The following CDC25C variants were observed in gnomAD, a reference collection of about 807,000 sequenced individuals.
CDC25C encodes the protein M-phase inducer phosphatase 3.
A neutral mutation model predicts 52.5 loss-of-function variants in CDC25C; 48 were observed. The ratio of observed to expected loss-of-function variants is 0.91; its 90% CI spans 0.72 to 1.16. The LOEUF (loss-of-function observed/expected upper bound fraction) is 1.16, where lower values mean the gene tolerates loss of function less well. Among genes scored for constraint, CDC25C ranks in the 50% most tolerant of loss-of-function variants. CDC25C has a pLI of 0.00. For synonymous variants in CDC25C, 187 were observed against 206.5 expected (o/e 0.91, Z 0.81); for missense variants, 510 against 566.1 (o/e 0.90, Z 1.01).
chr5:138,290,786 AG>A, intron 8 of CDC25C, 46 bp from the exon 9 acceptor site: 1 of 1,216,048 alleles, frequency 8.2e-7, no homozygotes, highest in Non-Finnish European at 1.2e-6. Context: ...CTCATGTTAA[AG>A]GTTTAAAAAC....
In CDC25C at chr5:138,331,123, T is replaced by C. The variant is rs1257437046; in HGVS notation, c.58A>G (p.Ser20Gly). ...ATTTTCCTTTGATTAGACCTAAAACTGGGTCCTGAGCCAGAGCTTCCTTCC... is the reference window on the plus strand; with the variant it reads ...ATTTTCCTTTGATTAGACCTAAAACCGGGTCCTGAGCCAGAGCTTCCTTCC... ...REEGSSGSGP[S>G]FRSNQRKMLN... The change falls in exon 2 of 14, where the codon AGT (serine) becomes GGT (glycine). Residue 20 changes from serine (S) to glycine (G), a missense_variant. Transcript: ENST00000323760. 6.2e-7 allele frequency: 1 copy of C among 1,613,948 alleles called. No homozygotes were observed.
intron 8 of CDC25C, 130 bp downstream of exon 8, chr5:138,291,840 A>C (rs1756745548): frequency 1.3e-5 from 7 of 538,560 alleles, no homozygotes; most frequent in Non-Finnish European, 1.5e-5. Context: ...AAAGATGGAA[A>C]GAACAAAGAG....
intron 3 of CDC25C, 142 bp from the exon 4 acceptor site, chr5:138,328,671 C>G: frequency 1.5e-6 from 1 of 670,826 alleles, no homozygotes; most frequent in Non-Finnish European, 2.7e-6. Context: ...CGATTGGTAC[C>G]CATTTCATGG....
chr5:138,293,946 C>G (rs1756968934), intron 7 of CDC25C, among the ~76,000 whole-genome samples: 1 of 151,810 alleles, frequency 6.6e-6, no homozygotes, highest in Admixed American at 6.6e-5. Context: ...CACGCCCAGT[C>G]TGTATCCATT....
intron 7 of CDC25C, among the ~76,000 whole-genome samples, chr5:138,305,477 C>A (rs536175232): frequency 6.6e-6 from 1 of 152,284 alleles, no homozygotes; most frequent in Admixed American, 6.5e-5. Flanking sequence ...TCATGGCTCA[C>A]TGTAGCCTTG....
At chr5:138,289,672 C>A in intron 9 of CDC25C, 109 bp from the exon 10 acceptor site, 1 of 796,006 alleles carries the variant, frequency 1.3e-6, no homozygotes, top group Non-Finnish European at 2.1e-6. Flanking sequence ...ACCCCAGAGG[C>A]CTTCAAAAAA....
intron 10 of CDC25C, among the ~76,000 whole-genome samples, chr5:138,289,026 A>G (rs1169533949): frequency 6.6e-6 from 1 of 152,006 alleles, no homozygotes; most frequent in East Asian, 1.9e-4. Flanking sequence ...GTACAGTGGC[A>G]CGATCTCTGC....
Position 138,286,052 on chromosome 5 carries a change from G to T in CDC25C, c.1242C>A (p.Gly414=), listed in dbSNP as rs199959516. Residue 414 remains glycine (G), a synonymous_variant, in exon 13 of 14, where the codon GGC becomes GGA. Coordinates refer to ENST00000323760, the MANE Select transcript of CDC25C (RefSeq NM_001790.5). ...LYYPELYILK[G]GYRDFFPEYM... ...ATTCTGGAAAGAAGTCTCTGTAGCC[G>T]CCTTTAAGGATATATAGCTCTGGGT... 9 of 1,613,500 alleles carry T rather than the reference G, an allele frequency of 5.6e-6. No homozygotes were observed. Among genetic ancestry groups the T allele is most frequent in the Non-Finnish European group, 6.8e-6 (8 of 1,179,462 alleles).
intron 7 of CDC25C, among the ~76,000 whole-genome samples, chr5:138,318,100 G>A (rs1174258906): frequency 6.6e-6 from 1 of 152,108 alleles, no homozygotes; most frequent in African/African-American, 2.4e-5. Flanking sequence ...AGGCCAAGGC[G>A]GGCAGATCAC....
chr5:138,326,191 C>A, intron 4 of CDC25C, 137 bp from the exon 5 acceptor site: 1 of 863,080 alleles, frequency 1.2e-6, no homozygotes, highest in Non-Finnish European at 2.0e-6. Context: ...CTTCCAACAA[C>A]AATACATAGG....
chr5:138,331,990 T>C (rs1233187541), upstream of CDC25C: 3 of 804,924 alleles, frequency 3.7e-6, no homozygotes, highest in Non-Finnish European at 4.5e-6. Flanking sequence ...CCCCGCCCCA[T>C]AGCCAGAGCA....
intron 1 of CDC25C, chr5:138,337,684 G>A (rs1561736593): frequency 6.0e-6 from 2 of 332,368 alleles, no homozygotes; most frequent in South Asian, 2.4e-5. Flanking sequence ...GGTTTTTAAG[G>A]TTCAGGCCGA....
At chr5:138,313,379 C>G (rs1282917207) in intron 7 of CDC25C, among the ~76,000 whole-genome samples, 2 of 37,058 alleles carry the variant, frequency 5.4e-5, no homozygotes, top group Non-Finnish European at 5.7e-5. Flanking sequence ...CTATATCTCA[C>G]AAAAAAAAAA....
intron 1 of CDC25C, chr5:138,337,914 GC>G: frequency 7.9e-7 from 1 of 1,265,236 alleles, no homozygotes; most frequent in Non-Finnish European, 1.0e-6. Context: ...CTGCAGTTGG[GC>G]CGTTGGAGGG....
chr5:138,302,493 A>G (rs1757703099), intron 7 of CDC25C, among the ~76,000 whole-genome samples: 1 of 151,336 alleles, frequency 6.6e-6, no homozygotes, highest in South Asian at 2.1e-4. Context: ...TAAGGTCGGG[A>G]GTTTGAGACC....
intron 10 of CDC25C, 124 bp from the exon 11 acceptor site, chr5:138,287,391 C>T: frequency 3.3e-6 from 2 of 607,386 alleles, no homozygotes; most frequent in Non-Finnish European, 2.9e-6. Context: ...TCCAAAGTCA[C>T]CCCATATTTG....
chr5:138,320,743 G>A lies in CDC25C; in HGVS notation c.460-1369C>T, dbSNP rs576854680. ...AGCCTGGCCAACATGGTGAAACTCC[G>A]TCTCTACTAAAAATACAAAAAAATT... is the stretch of plus-strand genomic sequence containing the variant. On this transcript the variant is annotated intron_variant, in intron 6 of 13. Transcript: ENST00000323760. Among the ~76,000 whole-genome samples, 7 of 151,588 alleles carry A rather than the reference G, an allele frequency of 4.6e-5. No individual in the cohort carries two copies. The East Asian group carries it at 9.7e-4, about 21-fold the overall frequency.
chr5:138,326,200 G>A, intron 4 of CDC25C, 146 bp from the exon 5 acceptor site: 1 of 823,308 alleles, frequency 1.2e-6, no homozygotes, highest in South Asian at 1.5e-5. Flanking sequence ...ACAATACATA[G>A]GGTATTCTCT....
At chr5:138,338,025 A>C in exon 1 of CDC25C, 2 of 1,289,646 alleles carry the variant, frequency 1.6e-6, no homozygotes, top group East Asian at 1.1e-4. Flanking sequence ...ACTTTCTGCG[A>C]TATTTTGGAG....
Sources: allele counts gnomAD v4.1 joint callset (sites outside exome capture counted in the v4.1 genomes callset), GRCh38; gene constraint gnomAD v4.1.1; transcripts MANE v1.5; gene names NCBI Gene and HGNC (gene_info 2026-07-23, HGNC 2026-07-21).